The following NFIC variants were observed in gnomAD, a reference collection of about 807,000 sequenced individuals.
NFIC encodes nuclear factor 1 C-type.
Under a neutral mutation model 54.4 loss-of-function variants are expected in NFIC, and 12 were observed. The ratio of observed to expected loss-of-function variants is 0.22; its 90% confidence interval spans 0.14 to 0.36. NFIC has a LOEUF of 0.36. NFIC is among the 10% of genes least tolerant of loss of function. The probability of loss-of-function intolerance (pLI) is 1.00; values close to 1 mark genes in which losing one functional copy is unlikely to be tolerated. For missense variants in NFIC, 575 were observed against 718.2 expected (o/e 0.80, Z 2.28); for synonymous variants, 322 against 319.2 (o/e 1.01, Z -0.09).
intron 1 of NFIC, among the ~76,000 whole-genome samples, chr19:3,361,515 C>T (rs2080811632): frequency 1.4e-5 from 2 of 146,884 alleles, no homozygotes; most frequent in Non-Finnish European, 3.0e-5. Flanking sequence ...ACCCCCAGTG[C>T]GTTTGATATA....
At chr19:3,429,069 G>A (rs2082072304) in intron 3 of NFIC, among the ~76,000 whole-genome samples, 1 of 151,138 alleles carries the variant, frequency 6.6e-6, no homozygotes, top group African/African-American at 2.4e-5. Context: ...AGGATCGCTT[G>A]AGCCCAGGAG....
intron 2 of NFIC, among the ~76,000 whole-genome samples, chr19:3,405,186 C>G (rs775549424): frequency 6.6e-6 from 1 of 152,232 alleles, no homozygotes; most frequent in Non-Finnish European, 1.5e-5. Context: ...ATGGGCCAGA[C>G]TTAAGGAACG....
At chr19:3,444,869 G>A (rs80195838) in intron 6 of NFIC, among the ~76,000 whole-genome samples, 3,817 of 151,576 alleles carry the variant, frequency 0.025, 98 homozygotes, top group East Asian at 0.094. Flanking sequence ...GTGCACAGGC[G>A]TGCACACATG....
intron 2 of NFIC, among the ~76,000 whole-genome samples, chr19:3,421,371 T>G (rs1049457455): frequency 2.6e-5 from 4 of 152,226 alleles, no homozygotes; most frequent in Non-Finnish European, 5.9e-5. Flanking sequence ...CTGCCCAGGC[T>G]GGGTCCTTCC....
intron 6 of NFIC, among the ~76,000 whole-genome samples, chr19:3,435,546 T>G (rs575316268): frequency 6.6e-6 from 1 of 152,218 alleles, no homozygotes; most frequent in Non-Finnish European, 1.5e-5. Flanking sequence ...CGCCTCTTCC[T>G]GGGATCTGTC....
rs765424212 is a variant in NFIC, at chr19:3,382,179, G to A, written c.498G>A (p.Pro166=). ...QCGHPVLCVQ[P]HHIGVAVKEL... ...GTCACCCGGTCCTGTGCGTGCAGCC[G>A]CACCACATTGGCGTGGCCGTCAAGG... Residue 166 remains proline (P), a synonymous_variant, in exon 2 of 11, where the codon CCG becomes CCA. Transcript: ENST00000443272. The A allele has an allele frequency of 8.7e-6, 14 of 1,611,776 alleles. No individual in the cohort carries two copies. The highest frequency in any genetic ancestry group is 2.2e-5 in the East Asian group (1 of 44,872).
intron 1 of NFIC, among the ~76,000 whole-genome samples, chr19:3,361,250 G>T (rs975711252): frequency 1.3e-5 from 2 of 152,176 alleles, no homozygotes; most frequent in Admixed American, 6.5e-5. Flanking sequence ...GGGGCGGGGC[G>T]GCAGGGGTTC....
chr19:3,437,119 G>A (rs1203939553), intron 6 of NFIC, among the ~76,000 whole-genome samples: 1 of 152,052 alleles, frequency 6.6e-6, no homozygotes, highest in African/African-American at 2.4e-5. Flanking sequence ...TGTAATCCCA[G>A]CACTTTGGGA....
At chr19:3,368,913 C>CGTG (rs779542863) in intron 1 of NFIC, among the ~76,000 whole-genome samples, 94 of 147,066 alleles carry the variant, frequency 6.4e-4, no homozygotes, top group African/African-American at 2.2e-3. Flanking sequence ...TGCTCTGACT[C>CGTG]TGTGTGTGTG....
intron 2 of NFIC, among the ~76,000 whole-genome samples, chr19:3,402,947 C>T (rs759652151): frequency 1.5e-4 from 23 of 152,088 alleles, no homozygotes; most frequent in Non-Finnish European, 1.3e-4. Context: ...TGGTCCTAGT[C>T]CTCCACTTTG....
rs2080995661 is a variant in NFIC, at chr19:3,370,881, G to C, written c.30+4215G>C. 6.6e-6 allele frequency among the ~76,000 whole-genome samples: 1 copy of C among 152,156 alleles called. No individual in the cohort carries two copies. Among genetic ancestry groups the C allele is most frequent in the African/African-American group, 2.4e-5 (1 of 41,442 alleles). The stretch of plus-strand genomic sequence containing the variant: ...CTGTGTCCACGCCGACCTCACCTGG[G>C]TGCCCATCTGCCCTGAGCACACAGC... On this transcript the variant is annotated intron_variant, in intron 1 of 10. Coordinates refer to ENST00000443272, the MANE Select transcript of NFIC (RefSeq NM_001245002.2). The surrounding 1 kb of genome is among the most constrained non-coding windows in gnomAD (Gnocchi z 5.2).
At chr19:3,433,677 T>G in intron 4 of NFIC, 85 bp downstream of exon 4, 1 of 1,420,598 alleles carries the variant, frequency 7.0e-7, no homozygotes, top group Non-Finnish European at 9.7e-7. Flanking sequence ...CTCACCCTAC[T>G]CCTTGTCCTT....
Position 3,457,129 on chromosome 19 carries a change from C to T in NFIC, c.1509+494C>T, listed in dbSNP as rs951974612. On this transcript the variant is annotated intron_variant, in intron 10 of 10. Transcript: ENST00000443272. Reference sequence around the variant, plus strand: ...GGGCCTCCCAGGACAGCATCCAAGCCCCCACCCCAGGCTTCAGCCCACATC... The same window carrying T: ...GGGCCTCCCAGGACAGCATCCAAGCTCCCACCCCAGGCTTCAGCCCACATC... Among the ~76,000 whole-genome samples the T allele has an allele frequency of 9.2e-5, 14 of 152,116 alleles. 1 individual carries two copies. Among genetic ancestry groups the T allele is most frequent in the Non-Finnish European group, 4.4e-5 (3 of 68,014 alleles).
chr19:3,395,617 C>T (rs921083976), intron 2 of NFIC, among the ~76,000 whole-genome samples: 3 of 151,820 alleles, frequency 2.0e-5, no homozygotes, highest in Admixed American at 2.0e-4. Context: ...CTGCTTCAGC[C>T]TCCCAGGTAG....
intron 1 of NFIC, among the ~76,000 whole-genome samples, chr19:3,374,788 G>A (rs2081076906): frequency 6.6e-6 from 1 of 152,160 alleles, no homozygotes; most frequent in Non-Finnish European, 1.5e-5. Flanking sequence ...CCTGGTTATT[G>A]CAGGTCATGT....
intron 2 of NFIC, among the ~76,000 whole-genome samples, chr19:3,403,890 G>A (rs1211892019): frequency 6.6e-6 from 1 of 151,926 alleles, no homozygotes; most frequent in African/African-American, 2.4e-5. Context: ...GTCCTCGGGC[G>A]CTTCCGACTG....
chr19:3,448,954 A>C, intron 6 of NFIC, 60 bp from the exon 7 acceptor site: 1 of 1,533,732 alleles, frequency 6.5e-7, no homozygotes, highest in East Asian at 2.3e-5. Context: ...GCTTTGGGGA[A>C]GGTCCAGGGC....
intron 3 of NFIC, among the ~76,000 whole-genome samples, chr19:3,429,586 G>C (rs1178202304): frequency 6.6e-6 from 1 of 152,100 alleles, no homozygotes; most frequent in Non-Finnish European, 1.5e-5. Context: ...GCAAAATTCT[G>C]TCTCTAAAAA....
At chr19:3,400,319 C>T (rs2081535609) in intron 2 of NFIC, among the ~76,000 whole-genome samples, 2 of 151,592 alleles carry the variant, frequency 1.3e-5, no homozygotes, top group African/African-American at 4.8e-5. Context: ...ACTAAAAATA[C>T]AAAAAAAATT....
Sources: allele counts gnomAD v4.1 joint callset (sites outside exome capture counted in the v4.1 genomes callset), GRCh38; gene constraint gnomAD v4.1.1; non-coding constraint Gnocchi (gnomAD v3.1); transcripts MANE v1.5; gene names NCBI Gene and HGNC (gene_info 2026-07-23, HGNC 2026-07-21).